The following HEMK2 variants were observed in gnomAD, a reference collection of about 807,000 sequenced individuals.
The protein encoded by HEMK2 is HemK methyltransferase 2, ETF1 glutamine and histone H4 lysine.
At chr21:28,850,036 A>G in the HEMK2 span, among the ~76,000 whole-genome samples, 1 of 152,144 alleles carries the variant, frequency 6.6e-6, no homozygotes, top group South Asian at 2.1e-4. Flanking sequence ...ACTATGCAAG[A>G]CAATGATCTC....
chr21:28,837,064 A>C, the HEMK2 span, among the ~76,000 whole-genome samples: 1 of 152,228 alleles, frequency 6.6e-6, no homozygotes, highest in African/African-American at 2.4e-5. Context: ...AATAGACCTA[A>C]GAAATGAGAT....
chr21:28,824,047 A>C, the HEMK2 span, among the ~76,000 whole-genome samples: 1 of 152,162 alleles, frequency 6.6e-6, no homozygotes, highest in East Asian at 1.9e-4. Context: ...GCTTATGAGT[A>C]ATGTTTGAGA....
At chr21:28,712,310 G>C in the HEMK2 span, among the ~76,000 whole-genome samples, 3 of 152,196 alleles carry the variant, frequency 2.0e-5, no homozygotes, top group Non-Finnish European at 4.4e-5. Context: ...CTGCTTCTGG[G>C]GGAAGCCCAA....
chr21:28,624,751 C>A, the HEMK2 span, among the ~76,000 whole-genome samples: 2 of 152,166 alleles, frequency 1.3e-5, no homozygotes, highest in Non-Finnish European at 2.9e-5. Flanking sequence ...GAACACTAAT[C>A]AGGAACCCAA....
At chr21:28,597,379 G>A in the HEMK2 span, among the ~76,000 whole-genome samples, 2 of 152,210 alleles carry the variant, frequency 1.3e-5, no homozygotes, top group Admixed American at 6.5e-5. Context: ...GAAGGTGAGT[G>A]AGCACCATTG....
chr21:28,732,140 G>A, the HEMK2 span, among the ~76,000 whole-genome samples: 1 of 152,240 alleles, frequency 6.6e-6, no homozygotes, highest in African/African-American at 2.4e-5. Context: ...CTGCCTTTGA[G>A]GTACAGGGCT....
the HEMK2 span, chr21:28,626,661 C>T: frequency 2.0e-5 from 3 of 152,068 alleles, no homozygotes; most frequent in Admixed American, 1.3e-4. Flanking sequence ...CTAAGCAACA[C>T]ATCCAGGCCC....
chr21:28,733,057 A>AG, the HEMK2 span, among the ~76,000 whole-genome samples: 2 of 152,106 alleles, frequency 1.3e-5, no homozygotes, highest in Non-Finnish European at 2.9e-5. Context: ...AGGCGGGTGG[A>AG]TCACAAGGTC....
chr21:28,831,763 GAAAGAAAGAAAC>G, the HEMK2 span, among the ~76,000 whole-genome samples: 17 of 150,272 alleles, frequency 1.1e-4, no homozygotes, highest in East Asian at 2.4e-3. Flanking sequence ...AAGAAAGAAA[GAAAGAAAGAAAC>G]AGTATCACCT....
chr21:28,742,443 T>A, the HEMK2 span, among the ~76,000 whole-genome samples: 2 of 152,166 alleles, frequency 1.3e-5, no homozygotes, highest in Non-Finnish European at 2.9e-5. Context: ...GTTGGGAACA[T>A]CTCTGAGGTT....
At chr21:28,643,464 G>A in the HEMK2 span, among the ~76,000 whole-genome samples, 405 of 151,524 alleles carry the variant, frequency 2.7e-3, 1 homozygote, top group African/African-American at 9.1e-3. Context: ...GATTGTTTGA[G>A]GTCAGGAGTC....
chr21:28,869,886 A>G, the HEMK2 span, among the ~76,000 whole-genome samples: 127,525 of 152,118 alleles, frequency 0.84, 53,916 homozygotes, highest in South Asian at 0.93. Context: ...ACATGAATTT[A>G]AAATAATAAA....
chr21:28,829,181 A>G, the HEMK2 span, among the ~76,000 whole-genome samples: 2 of 152,228 alleles, frequency 1.3e-5, no homozygotes, highest in Non-Finnish European at 2.9e-5. Context: ...ATGCTTCTTT[A>G]GAACAAGTGA....
At chr21:28,654,711 T>C in the HEMK2 span, among the ~76,000 whole-genome samples, 1 of 152,140 alleles carries the variant, frequency 6.6e-6, no homozygotes, top group Non-Finnish European at 1.5e-5. Flanking sequence ...TGAAATCTGC[T>C]TGGAATTCAT....
the HEMK2 span, among the ~76,000 whole-genome samples, chr21:28,619,222 T>C: frequency 2.0e-5 from 3 of 152,172 alleles, no homozygotes; most frequent in Admixed American, 2.0e-4. Flanking sequence ...CATTCAGAGC[T>C]TGGAGACGAT....
chr21:28,771,426 T>C, the HEMK2 span, among the ~76,000 whole-genome samples: 1 of 151,912 alleles, frequency 6.6e-6, no homozygotes, highest in Non-Finnish European at 1.5e-5. Flanking sequence ...CCCAGAGACA[T>C]GTTTGGTTGT....
At chr21:28,658,069 G>A in the HEMK2 span, among the ~76,000 whole-genome samples, 152,206 of 152,206 alleles carry the variant, frequency 1, 76,103 homozygotes, top group Non-Finnish European at 1. Context: ...TGGGATGCTT[G>A]AAATTATGTT....
chr21:28,622,140 A>G, the HEMK2 span, among the ~76,000 whole-genome samples: 2 of 152,310 alleles, frequency 1.3e-5, no homozygotes, highest in African/African-American at 4.8e-5. Flanking sequence ...GTCTCAGGAT[A>G]CAAAATCAAT....
At chr21:28,757,371 C>T in the HEMK2 span, among the ~76,000 whole-genome samples, 1 of 152,048 alleles carries the variant, frequency 6.6e-6, no homozygotes, top group Non-Finnish European at 1.5e-5. Context: ...TAGTTTGTTT[C>T]CTTAAAGAAA....
Sources: gnomAD v4.1 joint callset for allele counts (sites outside exome capture counted in the v4.1 genomes callset) on GRCh38, gnomAD v4.1.1 for gene constraint, MANE v1.5 for transcripts, NCBI Gene and HGNC (gene_info 2026-07-23, HGNC 2026-07-21) for gene names.